The following UBE2W variants were observed in gnomAD, a reference collection of about 807,000 sequenced individuals.
UBE2W encodes the protein ubiquitin-conjugating enzyme E2 W.
A neutral mutation model predicts 27.2 loss-of-function variants in UBE2W; 18 were observed. The observed-to-expected ratio is 0.66, with a 90% CI of 0.46 to 0.98. The LOEUF (loss-of-function observed/expected upper bound fraction) is 0.98, where lower values mean the gene tolerates loss of function less well. Among genes scored for constraint, UBE2W ranks in the 50% least tolerant of loss-of-function variants. The pLI is 0.00. For synonymous variants in UBE2W, 53 were observed against 57.2 expected (o/e 0.93, Z 0.33); for missense variants, 90 against 180.2 (o/e 0.50, Z 2.87).
At chr8:73,841,209 C>T (rs114491706) in intron 1 of UBE2W, among the ~76,000 whole-genome samples, 3,273 of 152,192 alleles carry the variant, frequency 0.022, 122 homozygotes, top group African/African-American at 0.075. Flanking sequence ...TTATTTTTCC[C>T]TAACAACATT....
chr8:73,790,189 A>G lies in UBE2W; in HGVS notation c.*3913T>C. The G allele has an allele frequency of 1.0e-6, 1 of 985,236 alleles. No homozygotes were observed. Among genetic ancestry groups the G allele is most frequent in the African/African-American group, 1.7e-5 (1 of 57,354 alleles). 61.0% of individuals were successfully genotyped at this position (985,236 alleles called of 1,614,324 possible). On this transcript the variant is annotated 3_prime_UTR_variant, in exon 6 of 6. Transcript: ENST00000602593. ...TGTAGAATCCCTAACCTCAGAAAAA[A>G]AAAAGAGAGAATAAATTAGAAGTGA...
At chr8:73,838,268 A>C (rs1033726885) in intron 1 of UBE2W, among the ~76,000 whole-genome samples, 4 of 152,164 alleles carry the variant, frequency 2.6e-5, no homozygotes, top group Non-Finnish European at 5.9e-5. Context: ...AACCACACTA[A>C]TTTATTCCTT....
At chr8:73,864,750 T>TGGGGGGGGG (rs71269956) in intron 1 of UBE2W, among the ~76,000 whole-genome samples, 6 of 88,608 alleles carry the variant, frequency 6.8e-5, no homozygotes, top group Admixed American at 2.7e-4. Context: ...CAAATTTTTT[T>TGGGGGGGGG]GGGGGGGGGG....
intron 1 of UBE2W, among the ~76,000 whole-genome samples, chr8:73,866,034 T>A (rs1811740718): frequency 6.6e-6 from 1 of 151,870 alleles, no homozygotes; most frequent in African/African-American, 2.4e-5. Flanking sequence ...TCCCACCACT[T>A]TGGAAGGCCA....
At chr8:73,825,279 A>C in intron 2 of UBE2W, 30 bp from the exon 3 acceptor site, 1 of 1,479,942 alleles carries the variant, frequency 6.8e-7, no homozygotes, top group Non-Finnish European at 9.2e-7. Context: ...TTAAAAACTT[A>C]AGATAATAGA....
At chr8:73,853,388 C>T (rs1197621105) in intron 1 of UBE2W, among the ~76,000 whole-genome samples, 1 of 152,114 alleles carries the variant, frequency 6.6e-6, no homozygotes, top group African/African-American at 2.4e-5. Flanking sequence ...CCTCAGCCTC[C>T]CGAGCAACTG....
At chr8:73,841,706 G>A (rs186509360) in intron 1 of UBE2W, among the ~76,000 whole-genome samples, 1 of 152,324 alleles carries the variant, frequency 6.6e-6, no homozygotes, top group African/African-American at 2.4e-5. Context: ...GATAATTACA[G>A]AGAAAACAAA....
Position 73,792,133 on chromosome 8 carries a change from G to C in UBE2W, c.*1969C>G. ...AAAATATGAAAATACATAATTTACAGCTGCAATTTTCATATTAAAAGCAGT... is the reference window on the plus strand; with the variant it reads ...AAAATATGAAAATACATAATTTACACCTGCAATTTTCATATTAAAAGCAGT... On this transcript the variant is annotated 3_prime_UTR_variant, in exon 6 of 6. Coordinates refer to ENST00000602593, the MANE Select transcript of UBE2W (RefSeq NM_018299.6). 1 of 985,272 alleles carries C rather than the reference G, an allele frequency of 1.0e-6. No individual in the cohort carries two copies. The highest frequency in any genetic ancestry group is 1.2e-6 in the Non-Finnish European group (1 of 829,772). The allele number at this position is 985,272 out of a possible 1,614,324, so 61.0% of individuals were successfully genotyped here.
At chr8:73,811,486 G>A (rs780007726) in intron 3 of UBE2W, among the ~76,000 whole-genome samples, 5 of 152,136 alleles carry the variant, frequency 3.3e-5, no homozygotes, top group Non-Finnish European at 5.9e-5. Context: ...GAAGAAAGCA[G>A]AAGTCTTATG....
chr8:73,831,061 C>G, intron 1 of UBE2W: 3 of 195,472 alleles, frequency 1.5e-5, no homozygotes, highest in Non-Finnish European at 2.1e-5. Flanking sequence ...ACTCCACATC[C>G]CTTCCCTCAT....
At chr8:73,814,772 G>A (rs1224777665) in intron 3 of UBE2W, among the ~76,000 whole-genome samples, 2 of 152,226 alleles carry the variant, frequency 1.3e-5, no homozygotes, top group African/African-American at 2.4e-5. Flanking sequence ...CGCCCGCCTC[G>A]GCTTCCCAGA....
At chr8:73,875,495 A>C (rs1470498006) in intron 1 of UBE2W, among the ~76,000 whole-genome samples, 1 of 152,188 alleles carries the variant, frequency 6.6e-6, no homozygotes, top group East Asian at 1.9e-4. Context: ...TGTTTTACTC[A>C]TTACCAAGTA....
chr8:73,795,535 G>A (rs1310118756), intron 5 of UBE2W, among the ~76,000 whole-genome samples: 1 of 151,996 alleles, frequency 6.6e-6, no homozygotes, highest in African/African-American at 2.4e-5. Context: ...TTAGTCTCAG[G>A]TACTTCTTCA....
At chr8:73,842,271 G>A in intron 1 of UBE2W, among the ~76,000 whole-genome samples, 1 of 152,058 alleles carries the variant, frequency 6.6e-6, no homozygotes, top group East Asian at 1.9e-4. Context: ...GCTCACACCT[G>A]TAATTCCAGC....
intron 2 of UBE2W, among the ~76,000 whole-genome samples, chr8:73,827,012 C>T (rs756921966): frequency 6.6e-6 from 1 of 152,178 alleles, no homozygotes; most frequent in Admixed American, 6.5e-5. Flanking sequence ...GTGATATTCC[C>T]AGGAAAAACG....
chr8:73,822,325 A>C (rs1336158384), intron 3 of UBE2W, among the ~76,000 whole-genome samples: 1 of 152,066 alleles, frequency 6.6e-6, no homozygotes, highest in Non-Finnish European at 1.5e-5. Context: ...AGAATCCCTA[A>C]GCCTAGCTGG....
At chr8:73,854,541 A>T (rs1811207533) in intron 1 of UBE2W, among the ~76,000 whole-genome samples, 1 of 152,192 alleles carries the variant, frequency 6.6e-6, no homozygotes, top group African/African-American at 2.4e-5. Context: ...CTGCATTGTC[A>T]TTGCCATTTT....
At chr8:73,877,570 A>G (rs1812285117) in intron 1 of UBE2W, among the ~76,000 whole-genome samples, 1 of 152,206 alleles carries the variant, frequency 6.6e-6, no homozygotes, top group Non-Finnish European at 1.5e-5. Flanking sequence ...AAACACTTTT[A>G]GCAGAGTAAA....
At position 73,786,701 on chromosome 8, in the gene UBE2W, C is replaced by T. The variant is rs553754934; in HGVS notation, c.*7401G>A. 268 of 985,336 alleles carry T rather than the reference C, an allele frequency of 2.7e-4. 1 individual carries two copies. In the African/African-American group the frequency reaches 4.4e-3, roughly 16 times the overall value. 61.0% of individuals were successfully genotyped at this position (985,336 alleles called of 1,614,324 possible). ...GGTTTGTGGACAGCTGAAGAGCAGC[C>T]TAGGGACACCAAGGCCAGGTAGTGA... On this transcript the variant is annotated 3_prime_UTR_variant, in exon 6 of 6. Coordinates refer to ENST00000602593, the MANE Select transcript of UBE2W (RefSeq NM_018299.6).
Sources: allele counts gnomAD v4.1 joint callset (sites outside exome capture counted in the v4.1 genomes callset), GRCh38; gene constraint gnomAD v4.1.1; transcripts MANE v1.5; gene names NCBI Gene and HGNC (gene_info 2026-07-23, HGNC 2026-07-21).